The following CHD7 variants were observed in gnomAD, a reference collection of about 807,000 sequenced individuals.
CHD7 encodes ATP-dependent chromatin remodeler CHD7.
In CHD7, 24 loss-of-function variants were observed where a neutral mutation model predicts 307.3. The observed-to-expected ratio is 0.08, with a 90% CI of 0.06 to 0.11. The LOEUF is 0.11. Ranked by LOEUF, CHD7 falls within the 10% of genes least tolerant of loss-of-function variation. The pLI, the probability that CHD7 is intolerant of heterozygous loss-of-function variation, is 1.00. For missense variants in CHD7, 3,106 were observed against 3,727.1 expected (o/e 0.83, Z 4.34); for synonymous variants, 1,363 against 1,349.9 (o/e 1.01, Z -0.21).
intron 3 of CHD7, among the ~76,000 whole-genome samples, chr8:60,782,996 A>C (rs1426247055): frequency 6.6e-6 from 1 of 152,142 alleles, no homozygotes; most frequent in Non-Finnish European, 1.5e-5. Context: ...AAAACATAGG[A>C]GTCTGTGTTC....
At chr8:60,767,861 G>T (rs1034475001) in intron 2 of CHD7, among the ~76,000 whole-genome samples, 1 of 152,102 alleles carries the variant, frequency 6.6e-6, no homozygotes, top group African/African-American at 2.4e-5. Context: ...TTCTGTGCAC[G>T]GTGAACTGTC....
At position 60,852,168 on chromosome 8, in the gene CHD7, C is replaced by G. The variant is rs992024213; in HGVS notation, c.5815C>G (p.Arg1939Gly). 4.3e-6 allele frequency: 7 copies of G among 1,613,702 alleles called. No individual in the cohort carries two copies. In the African/African-American group the frequency reaches 5.3e-5, roughly 12 times the overall value. Residue 1939 changes from arginine to glycine, a missense_variant, in exon 29 of 38, where the codon CGG becomes GGG. By Grantham distance (125) the Arg-to-Gly change is moderately radical. Coordinates refer to ENST00000423902, the MANE Select transcript of CHD7 (RefSeq NM_017780.4). ...MRQEALMKTD[R>G]RRRRPREEVR... ...GCAAGAGGCCCTAATGAAGACTGAC[C>G]GGCGCAGACGGCGGCCTCGAGAGGA...
chr8:60,785,944 G>A (rs1019943249), intron 3 of CHD7, among the ~76,000 whole-genome samples: 2 of 151,932 alleles, frequency 1.3e-5, no homozygotes, highest in African/African-American at 4.8e-5. Context: ...TTTGCACCCT[G>A]TGCCTGTGGA....
rs1159377366 is a variant in CHD7 at position 60,856,712 on chromosome 8, T to C, written c.7432T>C (p.Phe2478Leu). 3.7e-6 allele frequency: 6 copies of C among 1,613,926 alleles called. No individual in the cohort carries two copies. Among genetic ancestry groups the C allele is most frequent in the African/African-American group, 1.3e-5 (1 of 74,940 alleles). Residue 2478 changes from phenylalanine (F) to leucine (L), a missense_variant, in exon 34 of 38, where the codon TTT becomes CTT. Transcript: ENST00000423902. ...TGTCTCAACACCAGTGTCTGATGCC[T>C]TTAAGACTCAAATGGAACTGCTCCA... ...PNVSTPVSDAFKTQMELLQAG... is the reference protein window; with the variant it reads ...PNVSTPVSDALKTQMELLQAG...
chr8:60,703,215 AC>A (rs1806857066), intron 1 of CHD7, among the ~76,000 whole-genome samples: 1 of 152,196 alleles, frequency 6.6e-6, no homozygotes, highest in South Asian at 2.1e-4. Context: ...GTTCAGTGAT[AC>A]TAAATGCATA....
chr8:60,844,245 G>A (rs1805100952), intron 21 of CHD7, among the ~76,000 whole-genome samples: 1 of 152,214 alleles, frequency 6.6e-6, no homozygotes, highest in Non-Finnish European at 1.5e-5. Flanking sequence ...TCTGTCTTCT[G>A]TCCATAGTCG....
At chr8:60,738,979 A>G (rs1046180743) in intron 1 of CHD7, among the ~76,000 whole-genome samples, 1 of 152,166 alleles carries the variant, frequency 6.6e-6, no homozygotes, top group African/African-American at 2.4e-5. Context: ...CGCATAGGCA[A>G]CTTGTCCCTC....
intron 1 of CHD7, among the ~76,000 whole-genome samples, chr8:60,681,158 T>C: frequency 6.6e-6 from 1 of 152,234 alleles, no homozygotes; most frequent in Non-Finnish European, 1.5e-5. Flanking sequence ...AATATCTTAG[T>C]GACTGTGACC....
chr8:60,743,012 C>G lies in CHD7; in HGVS notation c.1580C>G (p.Ser527Cys), dbSNP rs2150581372. Residue 527 changes from serine (S) to cysteine (C), a missense_variant, in exon 2 of 38, where the codon TCT (serine) becomes TGT (cysteine). Around this residue, in one of 10 missense-constraint regions of CHD7, gnomAD observed 998 missense variants for 1,004.5 expected, o/e 0.99. Transcript: ENST00000423902. Reference sequence around the variant, plus strand: ...CCTCACCCGGGCTTGCACCACCAGTCTTCACCTCCACACCCTCATCACCAG... The same window carrying G: ...CCTCACCCGGGCTTGCACCACCAGTGTTCACCTCCACACCCTCATCACCAG... ...LQPHPGLHHQ[S>C]SPPHPHHQPW... is the part of the protein sequence containing the mutation. The G allele has an allele frequency of 6.2e-7, 1 of 1,613,944 alleles. No individual in the cohort carries two copies. Among genetic ancestry groups the G allele is most frequent in the Non-Finnish European group, 8.5e-7 (1 of 1,179,866 alleles).
intron 1 of CHD7, among the ~76,000 whole-genome samples, chr8:60,711,844 A>G (rs943318929): frequency 2.0e-5 from 3 of 152,198 alleles, no homozygotes; most frequent in African/African-American, 7.2e-5. Context: ...TTCCTACTGT[A>G]TGTGATACAT....
chr8:60,741,868 G>A lies in CHD7; in HGVS notation c.436G>A (p.Gly146Ser), dbSNP rs569689278. 2 of 1,613,818 alleles carry A rather than the reference G, an allele frequency of 1.2e-6. No homozygotes were observed. The highest frequency in any genetic ancestry group is 4.5e-5 in the East Asian group (2 of 44,864). Reference sequence around the variant, plus strand: ...CTTTGTGGACAGCAGCTCCATGTGGGGCCCCAGGGCTGTTCAGGTACCAGA... The same window carrying A: ...CTTTGTGGACAGCAGCTCCATGTGGAGCCCCAGGGCTGTTCAGGTACCAGA... ...QSFVDSSSMW[G>S]PRAVQVPDQI... The change falls in exon 2 of 38, where the codon GGC becomes AGC. Residue 146 changes from glycine (G) to serine (S), a missense_variant. Physicochemically the swap from Gly to Ser is moderately conservative, Grantham distance 56. Coordinates refer to ENST00000423902, the MANE Select transcript of CHD7 (RefSeq NM_017780.4).
At chr8:60,758,139 TG>T (rs1477151368) in intron 2 of CHD7, among the ~76,000 whole-genome samples, 1 of 152,204 alleles carries the variant, frequency 6.6e-6, no homozygotes, top group Non-Finnish European at 1.5e-5. Context: ...TTCTGATTTT[TG>T]TATACATTTT....
rs1372032849 is a variant in CHD7 at position 60,856,863 on chromosome 8, G to A, written c.7583G>A (p.Ser2528Asn). 1.3e-6 allele frequency: 2 copies of A among 1,559,480 alleles called. No homozygotes were observed. Among genetic ancestry groups the A allele is most frequent in the Non-Finnish European group, 1.7e-6 (2 of 1,155,050 alleles). The change falls in exon 34 of 38, where the codon AGC becomes AAC. Residue 2528 changes from serine (S) to asparagine (N), a missense_variant. Ser to Asn is a conservative substitution (Grantham distance 46). Around this residue, in one of 10 missense-constraint regions of CHD7, gnomAD observed 1,030 missense variants for 1,165.4 expected, o/e 0.88. Transcript: ENST00000423902. ...GAGGGACTTGATCTGCTTTTCATGA[G>A]CCACAAACGGACGTCATTGAGTGCA... ...NVEGLDLLFM[S>N]HKRTSLSAED...
intron 1 of CHD7, among the ~76,000 whole-genome samples, chr8:60,691,254 A>G (rs1470149062): frequency 6.6e-6 from 1 of 152,124 alleles, no homozygotes; most frequent in Non-Finnish European, 1.5e-5. Flanking sequence ...AATAATATCA[A>G]CAATAATAGT....
At position 60,861,307 on chromosome 8, in the gene CHD7, T is replaced by C. The variant is rs956727521; in HGVS notation, c.7830+182T>C. The C allele has an allele frequency of 2.3e-5, 13 of 562,318 alleles. No individual in the cohort carries two copies. The Admixed American group carries it at 3.5e-4, about 15-fold the overall frequency. The allele number at this position is 562,318 out of a possible 1,614,324, so 34.8% of individuals were successfully genotyped here. ...TCATTACAGATACTAGCTTCAGGTC[T>C]GTCTTACTGAAGGCAGCCTTACAGT... On this transcript the variant is annotated intron_variant, in intron 35 of 37. Coordinates refer to ENST00000423902, the MANE Select transcript of CHD7 (RefSeq NM_017780.4).
chr8:60,737,765 C>T (rs756547496), intron 1 of CHD7, among the ~76,000 whole-genome samples: 28 of 152,336 alleles, frequency 1.8e-4, no homozygotes, highest in African/African-American at 6.3e-4. Context: ...GACTATTCCT[C>T]ATCAGAAGTT....
chr8:60,847,799 A>G (rs1196511487), intron 23 of CHD7, among the ~76,000 whole-genome samples: 1 of 152,138 alleles, frequency 6.6e-6, no homozygotes, highest in Non-Finnish European at 1.5e-5. Context: ...ATGATTAAGA[A>G]TGTCAGTGAA....
intron 1 of CHD7, among the ~76,000 whole-genome samples, chr8:60,719,437 T>G (rs1807787240): frequency 6.6e-6 from 1 of 152,210 alleles, no homozygotes; most frequent in South Asian, 2.1e-4. Context: ...GCTCAAAGGT[T>G]TATAAACTTT....
chr8:60,714,769 A>T (rs2150531060), intron 1 of CHD7, among the ~76,000 whole-genome samples: 1 of 152,250 alleles, frequency 6.6e-6, no homozygotes, highest in African/African-American at 2.4e-5. Context: ...GGTCCCCGTA[A>T]CTTGACCTCA....
Sources: gnomAD v4.1 joint callset for allele counts (sites outside exome capture counted in the v4.1 genomes callset) on GRCh38, gnomAD v4.1.1 for gene constraint, gnomAD v4.1.1 regional missense constraint, MANE v1.5 for transcripts, NCBI Gene and HGNC (gene_info 2026-07-23, HGNC 2026-07-21) for gene names.